XKR6: variants seen among roughly 807,000 people sequenced by gnomAD.
XKR6 encodes XK related 6, also known as XK-related protein 6.
Under a neutral mutation model 56.7 loss-of-function variants are expected in XKR6, and 22 were observed. That is an observed-to-expected ratio of 0.39 (90% CI 0.28 to 0.55). The LOEUF (loss-of-function observed/expected upper bound fraction) is 0.55. Ranked by LOEUF, XKR6 falls within the 20% of genes least tolerant of loss-of-function variation. XKR6 has a pLI of 0.66. For synonymous variants in XKR6, 524 were observed against 387.8 expected, an observed-to-expected ratio of 1.35 and a Z score of -4.13; for missense variants, 852 against 889.0, an observed-to-expected ratio of 0.96 and a Z score of 0.53.
At position 11,200,991 on chromosome 8, in the gene XKR6, G is replaced by C. The variant is rs1320916611; in HGVS notation, c.349C>G (p.Pro117Ala). 3.4e-6 allele frequency: 5 copies of C among 1,460,930 alleles called. No individual in the cohort carries two copies. The highest frequency in any genetic ancestry group is 4.5e-6 in the Non-Finnish European group (5 of 1,106,246). 90.5% of individuals were successfully genotyped at this position (1,460,930 alleles called of 1,614,324 possible). ...PPTPSAARPE[P>A]PPPQVERPWL... is the part of the protein sequence containing the mutation. ...GGCCGCTCCACCTGCGGCGGCGGCG[G>C]CTCCGGCCGCGCGGCCGAGGGCGTC... The change falls in exon 1 of 3, where the codon CCG becomes GCG. Residue 117 changes from proline to alanine, a missense_variant. This residue lies in a region of XKR6 where 417 missense variants were observed against 355.2 expected (regional missense o/e 1.17). Coordinates refer to ENST00000416569, the MANE Select transcript of XKR6 (RefSeq NM_173683.4). The surrounding 1 kb of genome is among the most constrained non-coding windows in gnomAD (Gnocchi z 6.4).
intron 1 of XKR6, among the ~76,000 whole-genome samples, chr8:10,987,152 T>A (rs1201068813): frequency 6.6e-6 from 1 of 152,192 alleles, no homozygotes; most frequent in Admixed American, 6.5e-5. Flanking sequence ...GAAAGTAATG[T>A]TTAAGCAGCT....
At chr8:11,057,903 G>C (rs1400600670) in intron 1 of XKR6, among the ~76,000 whole-genome samples, 1 of 152,218 alleles carries the variant, frequency 6.6e-6, no homozygotes, top group Non-Finnish European at 1.5e-5. Context: ...GCATCTGACA[G>C]ACATTGAAGG....
At chr8:11,082,560 G>A (rs1472175990) in intron 1 of XKR6, among the ~76,000 whole-genome samples, 2 of 152,218 alleles carry the variant, frequency 1.3e-5, no homozygotes, top group African/African-American at 4.8e-5. Flanking sequence ...TAGGTTACAT[G>A]CTTCTTTGAG....
chr8:11,187,746 G>C (rs992279176), intron 1 of XKR6, among the ~76,000 whole-genome samples: 1 of 152,186 alleles, frequency 6.6e-6, no homozygotes, highest in Non-Finnish European at 1.5e-5. Flanking sequence ...ATCACTCAAT[G>C]ATGGTGTGGG....
rs138298429 is a variant in XKR6 at position 11,029,107 on chromosome 8, G to A, written c.765-104277C>T. 1.6e-4 allele frequency among the ~76,000 whole-genome samples: 25 copies of A among 152,218 alleles called. No individual in the cohort carries two copies. The East Asian group carries it at 2.1e-3, about 13-fold the overall frequency. On this transcript the variant is annotated intron_variant, in intron 1 of 2. Transcript: ENST00000416569. ...TCAGCGACCCTCCCAGTCCTGTGTC[G>A]TAGGCTCTGCTCTTTCATGTGAGCT...
intron 1 of XKR6, among the ~76,000 whole-genome samples, chr8:11,052,907 G>A (rs911107369): frequency 6.6e-6 from 1 of 152,308 alleles, no homozygotes; most frequent in Admixed American, 6.5e-5. Context: ...AAGCCTTCTG[G>A]GCTGTTGGGC....
At chr8:11,084,463 A>G (rs185498990) in intron 1 of XKR6, among the ~76,000 whole-genome samples, 39 of 152,284 alleles carry the variant, frequency 2.6e-4, no homozygotes, top group Admixed American at 4.6e-4. Context: ...GAATTGCACT[A>G]TTTACCATAG....
chr8:11,065,321 G>T (rs888535281), intron 1 of XKR6, among the ~76,000 whole-genome samples: 2 of 152,198 alleles, frequency 1.3e-5, no homozygotes, highest in Admixed American at 1.3e-4. Flanking sequence ...GATCTTGTCA[G>T]TTCCCTTATT....
chr8:11,006,967 C>A (rs752780785), intron 1 of XKR6, among the ~76,000 whole-genome samples: 1 of 152,182 alleles, frequency 6.6e-6, no homozygotes, highest in Non-Finnish European at 1.5e-5. Context: ...TTTCCCTTTA[C>A]TAATGATTAG....
At chr8:10,909,733 C>T (rs1288484804) in intron 2 of XKR6, among the ~76,000 whole-genome samples, 1 of 152,158 alleles carries the variant, frequency 6.6e-6, no homozygotes, top group Non-Finnish European at 1.5e-5. Flanking sequence ...GGAAGAAAAC[C>T]TTGGGGTTAA....
chr8:11,056,018 C>T (rs577765214), intron 1 of XKR6, among the ~76,000 whole-genome samples: 36 of 152,284 alleles, frequency 2.4e-4, no homozygotes, highest in African/African-American at 7.0e-4. Flanking sequence ...CCTTGGGTCT[C>T]GATTCAGGAT....
Position 10,898,999 on chromosome 8 carries a change from C to G in XKR6, c.962-83G>C. 6.7e-7 allele frequency: 1 copy of G among 1,500,768 alleles called. No individual in the cohort carries two copies. Among genetic ancestry groups the G allele is most frequent in the Non-Finnish European group, 8.8e-7 (1 of 1,131,038 alleles). 93.0% of individuals were successfully genotyped at this position (1,500,768 alleles called of 1,614,324 possible). A position where few individuals can be genotyped will look rare whatever the true frequency, so the allele number is the denominator to read the frequency against. On this transcript the variant is annotated intron_variant, in intron 2 of 2. Coordinates refer to ENST00000416569, the MANE Select transcript of XKR6 (RefSeq NM_173683.4). The surrounding 1 kb of genome is among the most constrained non-coding windows in gnomAD (Gnocchi z 6.6). Reference sequence around the variant, plus strand: ...AGTGAAGCTGCCGGCTGAGGAGACGCCCACATACACCACGATCTAAAGGAG... The same window carrying G: ...AGTGAAGCTGCCGGCTGAGGAGACGGCCACATACACCACGATCTAAAGGAG...
intron 1 of XKR6, among the ~76,000 whole-genome samples, chr8:10,951,684 G>C (rs900245845): frequency 6.6e-6 from 1 of 152,230 alleles, no homozygotes; most frequent in Admixed American, 6.5e-5. Flanking sequence ...TGGGAGTGGG[G>C]ATCTGGGAGG....
At chr8:11,110,407 A>G (rs556158352) in intron 1 of XKR6, among the ~76,000 whole-genome samples, 75 of 152,242 alleles carry the variant, frequency 4.9e-4, no homozygotes, top group Non-Finnish European at 6.8e-4. Context: ...GCCATCTAAT[A>G]GAAATGTTAT....
intron 1 of XKR6, among the ~76,000 whole-genome samples, chr8:11,053,178 G>C (rs1243751735): frequency 2.0e-5 from 3 of 152,230 alleles, no homozygotes; most frequent in Admixed American, 1.3e-4. Flanking sequence ...AGGCTGCCAT[G>C]TGCCATTGTG....
At chr8:11,035,628 C>G (rs1296776469) in intron 1 of XKR6, among the ~76,000 whole-genome samples, 1 of 152,192 alleles carries the variant, frequency 6.6e-6, no homozygotes, top group African/African-American at 2.4e-5. Flanking sequence ...CTGAAATATC[C>G]TGTTTTGCAT....
intron 1 of XKR6, among the ~76,000 whole-genome samples, chr8:11,195,679 C>T (rs1383220636): frequency 2.0e-5 from 3 of 148,780 alleles, no homozygotes; most frequent in Non-Finnish European, 3.0e-5. Flanking sequence ...GATGGAGTCT[C>T]GCTCTGTCGC....
At chr8:11,010,085 GC>G (rs1343164827) in intron 1 of XKR6, among the ~76,000 whole-genome samples, 2 of 152,192 alleles carry the variant, frequency 1.3e-5, no homozygotes, top group African/African-American at 4.8e-5. Flanking sequence ...AGGCTGAGGA[GC>G]CCTCAGGAAG....
chr8:10,969,823 A>C (rs185143359), intron 1 of XKR6, among the ~76,000 whole-genome samples: 18 of 152,348 alleles, frequency 1.2e-4, no homozygotes, highest in Admixed American at 5.9e-4. Flanking sequence ...GCTTCCTGCC[A>C]AGCCTGACGC....
Sources: gnomAD v4.1 joint callset for allele counts (sites outside exome capture counted in the v4.1 genomes callset) on GRCh38, gnomAD v4.1.1 for gene constraint, gnomAD v4.1.1 regional missense constraint, Gnocchi (gnomAD v3.1) non-coding constraint, MANE v1.5 for transcripts, NCBI Gene and HGNC (gene_info 2026-07-23, HGNC 2026-07-21) for gene names.